Variants in LIN52 observed in about 807,000 individuals in gnomAD.
LIN52 encodes the protein lin-52 DREAM MuvB core complex component.
LIN52 carries 4 observed loss-of-function variants against 18.5 expected under a neutral mutation model. The ratio of observed to expected loss-of-function variants is 0.22; its 90% CI spans 0.11 to 0.49. The LOEUF (loss-of-function observed/expected upper bound fraction) is 0.49. Ranked by LOEUF, LIN52 falls within the 20% of genes least tolerant of loss-of-function variation. The pLI is 0.97. For synonymous variants in LIN52, 34 were observed against 45.5 expected, an observed-to-expected ratio of 0.75 and a Z score of 1.02; for missense variants, 102 against 139.5, an observed-to-expected ratio of 0.73 and a Z score of 1.35.
Position 74,120,781 on chromosome 14 carries a change from G to A in LIN52, c.283+19543G>A, listed in dbSNP as rs187994611. On this transcript the variant is annotated intron_variant, in intron 5 of 5. Transcript: ENST00000555028. The stretch of plus-strand genomic sequence containing the variant: ...AAAAAAAAAAAAAAAAATTAGCTGG[G>A]CTTGGTGGCGTGCGCCTGTAGTCCC... 3.5e-3 allele frequency among the ~76,000 whole-genome samples: 535 copies of A among 151,848 alleles called. 3 individuals are homozygous for A. The highest frequency in any genetic ancestry group is 0.013 in the African/African-American group (523 of 41,454).
intron 5 of LIN52, among the ~76,000 whole-genome samples, chr14:74,190,152 A>G (rs1439459435): frequency 2.0e-5 from 3 of 152,098 alleles, no homozygotes; most frequent in African/African-American, 2.4e-5. Context: ...TTTCTTTCTC[A>G]GCAGTCACTG....
intron 5 of LIN52, among the ~76,000 whole-genome samples, chr14:74,164,104 C>A (rs1420516224): frequency 3.3e-5 from 5 of 151,906 alleles, no homozygotes; most frequent in African/African-American, 7.3e-5. Context: ...GCCTCAGCCT[C>A]CGGAGTAGCT....
At chr14:74,183,290 G>A (rs1314865548) in intron 5 of LIN52, among the ~76,000 whole-genome samples, 4 of 152,070 alleles carry the variant, frequency 2.6e-5, no homozygotes, top group Admixed American at 6.5e-5. Flanking sequence ...TAGTAGAGAC[G>A]GGGATTCACC....
At chr14:74,180,182 A>G (rs2061312199) in intron 5 of LIN52, among the ~76,000 whole-genome samples, 1 of 152,052 alleles carries the variant, frequency 6.6e-6, no homozygotes, top group Non-Finnish European at 1.5e-5. Context: ...CATATTTGCA[A>G]AGCTCTCTAC....
chr14:74,102,962 A>G (rs2139883223), intron 5 of LIN52, among the ~76,000 whole-genome samples: 1 of 152,302 alleles, frequency 6.6e-6, no homozygotes, highest in Non-Finnish European at 1.5e-5. Flanking sequence ...ATCTTGTTTT[A>G]CTTATAACAA....
intron 4 of LIN52, among the ~76,000 whole-genome samples, chr14:74,099,586 T>TTGTGTGTGTG (rs148601338): frequency 0.018 from 2,676 of 149,430 alleles, 32 homozygotes; most frequent in African/African-American, 0.031. Context: ...AGTATTGTCT[T>TTGTGTGTGTG]TGTGTGTGTG....
intron 5 of LIN52, among the ~76,000 whole-genome samples, chr14:74,165,513 C>CTTTTTTTTTTTTTTTTT (rs71460962): frequency 0.016 from 1,732 of 110,078 alleles, 130 homozygotes; most frequent in East Asian, 0.043. Flanking sequence ...GTTTTCTTTT[C>CTTTTTTTTTTTTTTTTT]TTTTTTTTTT....
intron 5 of LIN52, among the ~76,000 whole-genome samples, chr14:74,122,600 T>A (rs1247997638): frequency 1.3e-5 from 2 of 152,244 alleles, no homozygotes; most frequent in Non-Finnish European, 2.9e-5. Flanking sequence ...GTGCAGTGGC[T>A]CACACCTGTA....
intron 5 of LIN52, among the ~76,000 whole-genome samples, chr14:74,168,264 TTC>T (rs2061257639): frequency 6.6e-6 from 1 of 152,264 alleles, no homozygotes; most frequent in Non-Finnish European, 1.5e-5. Flanking sequence ...TTTATAATAT[TTC>T]TGTTTTTTTA....
intron 5 of LIN52, among the ~76,000 whole-genome samples, chr14:74,163,496 G>T (rs78619380): frequency 1.3e-5 from 2 of 152,142 alleles, no homozygotes. Flanking sequence ...GAGTGGGGGG[G>T]ATGACAAAAC....
At chr14:74,165,545 C>T (rs187150315) in intron 5 of LIN52, among the ~76,000 whole-genome samples, 21 of 117,494 alleles carry the variant, frequency 1.8e-4, no homozygotes, top group African/African-American at 7.3e-4. Flanking sequence ...GAGTCTCAGT[C>T]ACCCAGACTG....
chr14:74,111,987 TCTC>T (rs1232769172), intron 5 of LIN52, among the ~76,000 whole-genome samples: 1 of 151,958 alleles, frequency 6.6e-6, no homozygotes, highest in East Asian at 1.9e-4. Context: ...TTCAAGCTAT[TCTC>T]CTGCCTCAGC....
intron 5 of LIN52, among the ~76,000 whole-genome samples, chr14:74,136,278 A>G (rs2061097408): frequency 6.6e-6 from 1 of 152,208 alleles, no homozygotes; most frequent in South Asian, 2.1e-4. Flanking sequence ...ATTTTATACA[A>G]TCTGATTGTA....
intron 1 of LIN52, chr14:74,085,290 G>T: frequency 3.2e-6 from 1 of 312,780 alleles, no homozygotes. Flanking sequence ...CTATTTGGGC[G>T]AGGCTGAGGG....
At chr14:74,160,376 T>C (rs1197635142) in intron 5 of LIN52, among the ~76,000 whole-genome samples, 6 of 152,192 alleles carry the variant, frequency 3.9e-5, no homozygotes, top group African/African-American at 1.4e-4. Context: ...CCAAATACCC[T>C]TCTCTCTATA....
intron 5 of LIN52, among the ~76,000 whole-genome samples, chr14:74,108,777 A>G (rs1267093330): frequency 6.6e-6 from 1 of 152,200 alleles, no homozygotes; most frequent in East Asian, 1.9e-4. Context: ...TATATATTCT[A>G]GAAACATATA....
chr14:74,111,452 CT>C (rs2060926733), intron 5 of LIN52, among the ~76,000 whole-genome samples: 1 of 113,836 alleles, frequency 8.8e-6, no homozygotes, highest in Admixed American at 9.0e-5. Context: ...CCATGCCTGA[CT>C]GATTTTTTTT....
intron 5 of LIN52, among the ~76,000 whole-genome samples, chr14:74,198,111 A>T (rs570643017): frequency 6.6e-6 from 1 of 152,286 alleles, no homozygotes; most frequent in African/African-American, 2.4e-5. Flanking sequence ...GCCTTGCAGG[A>T]TGAGGATGAG....
intron 5 of LIN52, chr14:74,174,650 GTTGGA>G (rs2061284691): frequency 6.6e-6 from 1 of 152,016 alleles, no homozygotes; most frequent in Admixed American, 6.6e-5. Flanking sequence ...ACCAGCCCAC[GTTGGA>G]AACTGAAGGT....
Sources: allele counts gnomAD v4.1 joint callset (sites outside exome capture counted in the v4.1 genomes callset), GRCh38; gene constraint gnomAD v4.1.1; transcripts MANE v1.5; gene names NCBI Gene and HGNC (gene_info 2026-07-23, HGNC 2026-07-21).